UCK2: variants seen among roughly 807,000 people sequenced by gnomAD.
UCK2 encodes cytidine monophosphokinase 2.
UCK2 carries 6 observed loss-of-function variants against 30.8 expected under a neutral mutation model. That is an observed-to-expected ratio of 0.19 (90% confidence interval 0.11 to 0.38). UCK2 has a LOEUF of 0.38. Ranked by LOEUF, UCK2 falls within the 10% of genes least tolerant of loss-of-function variation. The pLI is 1.00. For missense variants in UCK2, 210 were observed against 339.8 expected (o/e 0.62, Z 3.00); for synonymous variants, 125 against 133.6 (o/e 0.94, Z 0.45).
chr1:165,848,939 G>A (rs772445592), intron 1 of UCK2, among the ~76,000 whole-genome samples: 2 of 152,058 alleles, frequency 1.3e-5, no homozygotes, highest in African/African-American at 4.8e-5. Flanking sequence ...GTGGGAAAAG[G>A]CAAATTAATA....
Position 165,905,873 on chromosome 1 carries a change from A to G in UCK2, c.598-48A>G. The G allele has an allele frequency of 2.5e-6, 4 of 1,584,432 alleles. 1 individual carries two copies. The highest frequency in any genetic ancestry group is 2.2e-5 in the South Asian group (2 of 90,328). ...ATTCCCTTGGAGAGGGTCTCGGGCC[A>G]GTTGTCTCTTAACTGTATTAATGCA... is the stretch of plus-strand genomic sequence containing the variant. On this transcript the variant is annotated intron_variant, in intron 5 of 6. Coordinates refer to ENST00000367879, the MANE Select transcript of UCK2 (RefSeq NM_012474.5).
intron 1 of UCK2, among the ~76,000 whole-genome samples, chr1:165,830,188 A>G (rs977138996): frequency 2.7e-4 from 40 of 149,526 alleles, no homozygotes; most frequent in African/African-American, 9.1e-4. Flanking sequence ...TTTTTTTTGT[A>G]GAGAAGGGGT....
At chr1:165,887,775 C>CT (rs929290148) in intron 1 of UCK2, among the ~76,000 whole-genome samples, 1 of 151,630 alleles carries the variant, frequency 6.6e-6, no homozygotes, top group Non-Finnish European at 1.5e-5. Flanking sequence ...TTGATTTCCC[C>CT]CCCCACCCAT....
intron 1 of UCK2, among the ~76,000 whole-genome samples, chr1:165,841,784 C>T (rs1654337071): frequency 6.6e-6 from 1 of 152,132 alleles, no homozygotes; most frequent in South Asian, 2.1e-4. Context: ...GTAGTACTCC[C>T]TTTACTGGTT....
intron 1 of UCK2, among the ~76,000 whole-genome samples, chr1:165,860,687 T>G (rs899905120): frequency 6.6e-6 from 1 of 152,164 alleles, no homozygotes; most frequent in Non-Finnish European, 1.5e-5. Context: ...TGAGCTCAAG[T>G]GATTCATACG....
chr1:165,905,263 G>A (rs1003665869), intron 5 of UCK2, among the ~76,000 whole-genome samples: 2 of 152,124 alleles, frequency 1.3e-5, no homozygotes, highest in Admixed American at 1.3e-4. Flanking sequence ...TGGGTGGATC[G>A]CTTGAGCCCA....
intron 1 of UCK2, among the ~76,000 whole-genome samples, chr1:165,889,012 T>C (rs1048652845): frequency 1.3e-5 from 2 of 152,194 alleles, no homozygotes; most frequent in Non-Finnish European, 1.5e-5. Flanking sequence ...ACTATCTGTT[T>C]TTCTTTTTTT....
rs141951237 is a variant in UCK2, at chr1:165,901,257, T to G, written c.500-1925T>G. Among the ~76,000 whole-genome samples the G allele has an allele frequency of 5.0e-3, 761 of 152,238 alleles. 6 individuals carry two copies. The highest frequency in any genetic ancestry group is 0.017 in the African/African-American group (717 of 41,522). ...ATCAGCCAACTGTTTTATTACCAGG[T>G]CTCCCATGGAGAAAACACTTCGTAA... On this transcript the variant is annotated intron_variant, in intron 4 of 6. Coordinates refer to ENST00000367879, the MANE Select transcript of UCK2 (RefSeq NM_012474.5).
At chr1:165,878,478 G>A (rs916587562) in intron 1 of UCK2, among the ~76,000 whole-genome samples, 1 of 151,880 alleles carries the variant, frequency 6.6e-6, no homozygotes, top group Non-Finnish European at 1.5e-5. Flanking sequence ...CTACAGGTGC[G>A]TGCCACCATG....
At chr1:165,901,415 G>A (rs1181781348) in intron 4 of UCK2, among the ~76,000 whole-genome samples, 1 of 152,188 alleles carries the variant, frequency 6.6e-6, no homozygotes. Flanking sequence ...AGCCATGACA[G>A]CCTCCCCGTT....
At chr1:165,835,430 G>A (rs1418067717) in intron 1 of UCK2, among the ~76,000 whole-genome samples, 1 of 149,666 alleles carries the variant, frequency 6.7e-6, no homozygotes, top group Non-Finnish European at 1.5e-5. Context: ...TGAACTCCTG[G>A]CCTCAAGCGG....
At position 165,827,732 on chromosome 1, in the gene UCK2, C is replaced by A; in HGVS notation, c.-102C>A. 9.2e-7 allele frequency: 1 copy of A among 1,088,130 alleles called. No individual in the cohort carries two copies. Among genetic ancestry groups the A allele is most frequent in the Non-Finnish European group, 1.2e-6 (1 of 842,976 alleles). 67.4% of individuals were successfully genotyped at this position (1,088,130 alleles called of 1,614,324 possible). ...GCGACAGCGGCCTCAGCCCCGGCAG[C>A]GCCCAGCGGCGGCTGCGGAAAGCGG... On this transcript the variant is annotated 5_prime_UTR_variant, in exon 1 of 7. Coordinates refer to ENST00000367879, the MANE Select transcript of UCK2 (RefSeq NM_012474.5).
intron 1 of UCK2, among the ~76,000 whole-genome samples, chr1:165,864,367 G>GTT (rs879593851): frequency 1.5e-4 from 23 of 151,814 alleles, no homozygotes; most frequent in Admixed American, 1.4e-3. Flanking sequence ...AGTGAGAACA[G>GTT]TTTTTTTTTA....
At chr1:165,840,887 A>G (rs985093483) in intron 1 of UCK2, among the ~76,000 whole-genome samples, 2 of 152,130 alleles carry the variant, frequency 1.3e-5, no homozygotes, top group Admixed American at 1.3e-4. Flanking sequence ...ACACCTAGCA[A>G]AATGTATAAA....
At chr1:165,887,961 G>T (rs1414930685) in intron 1 of UCK2, among the ~76,000 whole-genome samples, 1 of 152,126 alleles carries the variant, frequency 6.6e-6, no homozygotes, top group East Asian at 1.9e-4. Flanking sequence ...TATCATGAAG[G>T]CGAAATAAAT....
At chr1:165,874,195 C>T (rs770881380) in intron 1 of UCK2, among the ~76,000 whole-genome samples, 2 of 152,160 alleles carry the variant, frequency 1.3e-5, no homozygotes, top group Non-Finnish European at 2.9e-5. Flanking sequence ...CACTGATTCT[C>T]TGGGCTCCAC....
rs757897603 is a variant in UCK2 at position 165,907,782 on chromosome 1, C to T, written c.745C>T (p.Arg249Cys). 1.3e-5 allele frequency: 21 copies of T among 1,614,088 alleles called. No individual in the cohort carries two copies. The highest frequency in any genetic ancestry group is 3.3e-5 in the South Asian group (3 of 91,090). Residue 249 changes from arginine (R) to cysteine (C), a missense_variant, in exon 7 of 7, where the codon CGC becomes TGC. Arg to Cys is a radical substitution (Grantham distance 180). This residue lies in a region of UCK2 where 38 missense variants were observed against 45.4 expected (regional missense o/e 0.84). Coordinates refer to ENST00000367879, the MANE Select transcript of UCK2 (RefSeq NM_012474.5). ...NGCLNGYTPS[R>C]KRQASESSSR... Reference sequence around the variant, plus strand: ...CTGTCTCAACGGCTACACCCCTTCACGCAAGAGGCAGGCATCGGAGTCCAG... The same window carrying T: ...CTGTCTCAACGGCTACACCCCTTCATGCAAGAGGCAGGCATCGGAGTCCAG...
chr1:165,837,447 T>C (rs943015581), intron 1 of UCK2, among the ~76,000 whole-genome samples: 1 of 152,154 alleles, frequency 6.6e-6, no homozygotes, highest in Non-Finnish European at 1.5e-5. Flanking sequence ...TTTGCTAACA[T>C]TCATCTCAAC....
At chr1:165,903,668 C>G (rs10918308) in intron 5 of UCK2, among the ~76,000 whole-genome samples, 1 of 152,244 alleles carries the variant, frequency 6.6e-6, no homozygotes, top group African/African-American at 2.4e-5. Context: ...TATGGATGCA[C>G]TGGGTGCTGT....
Sources: allele counts gnomAD v4.1 joint callset (sites outside exome capture counted in the v4.1 genomes callset), GRCh38; gene constraint gnomAD v4.1.1; regional missense constraint gnomAD v4.1.1; transcripts MANE v1.5; gene names NCBI Gene and HGNC (gene_info 2026-07-23, HGNC 2026-07-21).